The following LZTS1 variants were observed in gnomAD, a reference collection of about 807,000 sequenced individuals.
LZTS1 encodes the protein leucine zipper putative tumor suppressor 1.
Under a neutral mutation model 45.8 loss-of-function variants are expected in LZTS1, and 31 were observed. The ratio of observed to expected loss-of-function variants is 0.68; its 90% CI spans 0.51 to 0.91. LZTS1 has a LOEUF of 0.91. Ranked by LOEUF, LZTS1 falls within the 40% of genes least tolerant of loss-of-function variation. The pLI, the probability that LZTS1 is intolerant of heterozygous loss-of-function variation, is 0.00. For missense variants in LZTS1, 821 were observed against 788.9 expected (o/e 1.04, Z -0.49); for synonymous variants, 359 against 357.3 (o/e 1.00, Z -0.05).
intron 1 of LZTS1, among the ~76,000 whole-genome samples, chr8:20,273,059 T>C (rs1182306532): frequency 6.6e-6 from 1 of 152,148 alleles, no homozygotes; most frequent in Non-Finnish European, 1.5e-5. Flanking sequence ...GAGGCCCTGG[T>C]TTCTGTCCCC....
At chr8:20,288,285 C>G (rs1324071693) in intron 1 of LZTS1, among the ~76,000 whole-genome samples, 1 of 152,202 alleles carries the variant, frequency 6.6e-6, no homozygotes, top group Admixed American at 6.5e-5. Flanking sequence ...CAAAGGCTGA[C>G]TGCCAGCATC....
intron 1 of LZTS1, among the ~76,000 whole-genome samples, chr8:20,274,159 C>T (rs1316267399): frequency 6.6e-6 from 1 of 152,200 alleles, no homozygotes. Flanking sequence ...CTACTTTGAG[C>T]TCTTTCTCAG....
In LZTS1 at chr8:20,250,293, G is replaced by T. The variant is rs1799861057; in HGVS notation, c.1220C>A (p.Ala407Asp). Residue 407 changes from alanine (A) to aspartate (D), a missense_variant, in exon 4 of 4, where the codon GCC becomes GAC. Ala to Asp is a moderately radical substitution (Grantham distance 126, BLOSUM62 -2). Transcript: ENST00000381569. The part of the protein sequence containing the change: ...QLKESQTEVN[A>D]KASEILGLKA... Reference sequence around the variant, plus strand: ...GAGACCCAGGATCTCGCTAGCCTTGGCGTTCACCTCCGTCTGGGACTCCTT... The same window carrying T: ...GAGACCCAGGATCTCGCTAGCCTTGTCGTTCACCTCCGTCTGGGACTCCTT... The T allele has an allele frequency of 6.2e-7, 1 of 1,613,700 alleles. No homozygotes were observed.
chr8:20,294,372 A>G (rs1800947479), intron 1 of LZTS1, among the ~76,000 whole-genome samples: 1 of 152,252 alleles, frequency 6.6e-6, no homozygotes, highest in Non-Finnish European at 1.5e-5. Context: ...ACCAGCCACC[A>G]GCCGGCTGCA....
chr8:20,249,669 A>C lies in LZTS1; in HGVS notation c.*53T>G. On this transcript the variant is annotated 3_prime_UTR_variant, in exon 4 of 4. Coordinates refer to ENST00000381569, the MANE Select transcript of LZTS1 (RefSeq NM_021020.5). Reference sequence around the variant, plus strand: ...TTGCTGAGCAGGGGGGATGCACGGGAGAGCCCTGCCTCCCAGTGCCAGGTC... The same window carrying C: ...TTGCTGAGCAGGGGGGATGCACGGGCGAGCCCTGCCTCCCAGTGCCAGGTC... The C allele has an allele frequency of 1.3e-6, 2 of 1,546,966 alleles. No homozygotes were observed. The highest frequency in any genetic ancestry group is 1.2e-5 in the South Asian group (1 of 82,056).
chr8:20,250,248 G>T lies in LZTS1; in HGVS notation c.1265C>A (p.Thr422Lys). The T allele has an allele frequency of 6.2e-7, 1 of 1,613,676 alleles. No individual in the cohort carries two copies. The highest frequency in any genetic ancestry group is 1.1e-5 in the South Asian group (1 of 91,082). ...CTCCAGGCCCTCCAGCTTGCCCCGC[G>T]TGTCCTTCAGCTGTGCCTTGAGACC... ...ILGLKAQLKD[T>K]RGKLEGLELR... is the part of the protein sequence containing the mutation. The change falls in exon 4 of 4, where the codon ACG becomes AAG. Residue 422 changes from threonine to lysine, a missense_variant. By Grantham distance (78) the Thr-to-Lys change is moderately conservative. Transcript: ENST00000381569.
At chr8:20,271,937 GTA>G (rs1448255661) in intron 1 of LZTS1, among the ~76,000 whole-genome samples, 2 of 152,230 alleles carry the variant, frequency 1.3e-5, no homozygotes, top group Non-Finnish European at 2.9e-5. Context: ...TCACCTCCCA[GTA>G]TATGTGTCAG....
intron 1 of LZTS1, among the ~76,000 whole-genome samples, chr8:20,302,559 G>A (rs193294218): frequency 2.2e-4 from 34 of 152,220 alleles, no homozygotes; most frequent in Non-Finnish European, 4.7e-4. Context: ...TCTCTTTGTG[G>A]CTGGGCTCCT....
chr8:20,259,744 C>T (rs888140916), intron 1 of LZTS1, among the ~76,000 whole-genome samples: 1 of 152,176 alleles, frequency 6.6e-6, no homozygotes, highest in African/African-American at 2.4e-5. Context: ...CAGCCTTTCT[C>T]ATTTTCTAGT....
chr8:20,303,235 C>T (rs925540677), intron 1 of LZTS1, among the ~76,000 whole-genome samples: 1 of 152,172 alleles, frequency 6.6e-6, no homozygotes, highest in Non-Finnish European at 1.5e-5. Flanking sequence ...CCTTTCAAAT[C>T]TCTGGCTGCA....
rs1252994465 is a variant in LZTS1, at chr8:20,249,024, C to G, written c.*698G>C. ...CTGCTCAGCTCCCATTTGCAAGAAC[C>G]AGTAAACAGGGGCTGGGCCCCAGGG... On this transcript the variant is annotated 3_prime_UTR_variant, in exon 4 of 4. Transcript: ENST00000381569. 1 of 153,228 alleles carries G rather than the reference C, an allele frequency of 6.5e-6. No homozygotes were observed. The highest frequency in any genetic ancestry group is 6.5e-5 in the Admixed American group (1 of 15,278). The allele number at this position is 153,228 out of a possible 1,614,324, so 9.5% of individuals were successfully genotyped here. A position where few individuals can be genotyped will look rare whatever the true frequency, so the allele number is the denominator to read the frequency against.
chr8:20,267,886 C>T (rs371485328), intron 1 of LZTS1, among the ~76,000 whole-genome samples: 14 of 152,150 alleles, frequency 9.2e-5, no homozygotes, highest in East Asian at 1.9e-4. Context: ...CCCAGACCGA[C>T]GGATCTGCTG....
intron 2 of LZTS1, among the ~76,000 whole-genome samples, chr8:20,254,000 C>T (rs543774784): frequency 6.6e-6 from 1 of 152,326 alleles, no homozygotes; most frequent in East Asian, 1.9e-4. Context: ...AGCAAGGACA[C>T]GGACCTGGCC....
intron 1 of LZTS1, among the ~76,000 whole-genome samples, chr8:20,264,917 C>T (rs1390346009): frequency 6.6e-6 from 1 of 152,122 alleles, no homozygotes; most frequent in Non-Finnish European, 1.5e-5. Flanking sequence ...CCCTGATCTA[C>T]CAGGGCACGT....
chr8:20,256,291 G>T (rs1315482052), intron 1 of LZTS1, among the ~76,000 whole-genome samples: 1 of 152,120 alleles, frequency 6.6e-6, no homozygotes. Context: ...AGACATCAGA[G>T]AACAAGGAGG....
At chr8:20,293,897 T>C (rs1800940348) in intron 1 of LZTS1, among the ~76,000 whole-genome samples, 1 of 152,090 alleles carries the variant, frequency 6.6e-6, no homozygotes, top group African/African-American at 2.4e-5. Flanking sequence ...CACTCCAGCC[T>C]GGACAACAGA....
chr8:20,273,634 T>C lies in LZTS1; in HGVS notation c.-134-18319A>G, dbSNP rs142933372. 3.7e-3 allele frequency among the ~76,000 whole-genome samples: 564 copies of C among 152,122 alleles called. 5 individuals carry two copies. Among genetic ancestry groups the C allele is most frequent in the African/African-American group, 0.013 (527 of 41,502 alleles). On this transcript the variant is annotated intron_variant, in intron 1 of 3. Coordinates refer to ENST00000381569, the MANE Select transcript of LZTS1 (RefSeq NM_021020.5). ...GGAACTTTTGATTCCCACTCAGCCC[T>C]CACCCTACATCTGACCAGCCACCAA...
Position 20,254,911 on chromosome 8 carries a change from C to T in LZTS1, c.271G>A (p.Gly91Arg), listed in dbSNP as rs1406446966. 4 of 1,614,200 alleles carry T rather than the reference C, an allele frequency of 2.5e-6. No individual in the cohort carries two copies. The South Asian group carries it at 3.3e-5, about 13-fold the overall frequency. Reference protein sequence around the residue: ...DYTALSSGDLGGQAGVDFDPS... With the variant: ...DYTALSSGDLRGQAGVDFDPS... ...TCAAAGTCCACCCCAGCCTGGCCCC[C>T]TAAATCCCCGCTGGACAGTGCCGTG... is the stretch of plus-strand genomic sequence containing the variant. The change falls in exon 2 of 4, where the codon GGG becomes AGG. Residue 91 changes from glycine to arginine, a missense_variant. Gly to Arg is a moderately radical substitution (Grantham distance 125, BLOSUM62 -2). Coordinates refer to ENST00000381569, the MANE Select transcript of LZTS1 (RefSeq NM_021020.5).
At position 20,251,132 on chromosome 8, in the gene LZTS1, TATATATATATATATATAA is replaced by T. The variant is rs1416137926; in HGVS notation, c.1150-787_1150-770del. Reference sequence around the variant, plus strand: ...ATATATATATATATATATATATATATATATATATATATATATAAAATATAAAGTATAAGAGTAGAGATT... The same window carrying T: ...ATATATATATATATATATATATATATAATATAAAGTATAAGAGTAGAGATT... On this transcript the variant is annotated intron_variant, in intron 3 of 3. Coordinates refer to ENST00000381569, the MANE Select transcript of LZTS1 (RefSeq NM_021020.5). Among the ~76,000 whole-genome samples, 75 of 39,696 alleles carry T rather than the reference TATATATATATATATATAA, an allele frequency of 1.9e-3. 3 individuals are homozygous for T. The highest frequency in any genetic ancestry group is 5.9e-3 in the South Asian group (6 of 1,018). 26.0% of individuals were successfully genotyped at this position (39,696 alleles called of 152,430 possible). A position where few individuals can be genotyped will look rare whatever the true frequency, so the allele number is the denominator to read the frequency against.
Sources: allele counts gnomAD v4.1 joint callset (sites outside exome capture counted in the v4.1 genomes callset), GRCh38; gene constraint gnomAD v4.1.1; transcripts MANE v1.5; gene names NCBI Gene and HGNC (gene_info 2026-07-23, HGNC 2026-07-21).